TUT7: variants seen among roughly 807,000 people sequenced by gnomAD.
TUT7 encodes the protein terminal uridylyl transferase 7.
Under a neutral mutation model 165.9 loss-of-function variants are expected in TUT7, and 33 were observed. The observed-to-expected ratio is 0.20, with a 90% CI of 0.15 to 0.27. The LOEUF (loss-of-function observed/expected upper bound fraction) is 0.27, where lower values mean the gene tolerates loss of function less well. TUT7 is among the 10% of genes least tolerant of loss of function. The pLI is 1.00. For synonymous variants in TUT7, 552 were observed against 608.1 expected, an observed-to-expected ratio of 0.91 and a Z score of 1.36; for missense variants, 1,338 against 1,762.3, an observed-to-expected ratio of 0.76 and a Z score of 4.31.
At chr9:86,341,261 C>T (rs887834423) in intron 6 of TUT7, among the ~76,000 whole-genome samples, 4 of 152,158 alleles carry the variant, frequency 2.6e-5, no homozygotes, top group African/African-American at 9.7e-5. Context: ...GGGCAAGAGA[C>T]CTACTATACA....
rs777923164 is a variant in TUT7 at position 86,337,447 on chromosome 9, G to A, written c.1427C>T (p.Pro476Leu). Residue 476 changes from proline to leucine, a missense_variant, in exon 10 of 27, where the codon CCC becomes CTC. By Grantham distance (98) the Pro-to-Leu change is moderately conservative. Around this residue, in one of 7 missense-constraint regions of TUT7, gnomAD observed 74 missense variants for 128.5 expected, o/e 0.58. Transcript: ENST00000375963. Reference protein sequence around the residue: ...AIFFLQQRKEPLLPVYLGSWI... With the variant: ...AIFFLQQRKELLLPVYLGSWI... Reference sequence around the variant, plus strand: ...TGATCCTAGATATACAGGCAAAAGGGGTTCTTTCCTCTGCTGAAGAAAGAA... The same window carrying A: ...TGATCCTAGATATACAGGCAAAAGGAGTTCTTTCCTCTGCTGAAGAAAGAA... 1 of 1,613,586 alleles carries A rather than the reference G, an allele frequency of 6.2e-7. No individual in the cohort carries two copies. The highest frequency in any genetic ancestry group is 1.3e-5 in the African/African-American group (1 of 74,858).
intron 16 of TUT7, among the ~76,000 whole-genome samples, chr9:86,318,579 T>A (rs996976292): frequency 6.6e-6 from 1 of 152,230 alleles, no homozygotes; most frequent in Admixed American, 6.5e-5. Flanking sequence ...CTCTGGACTC[T>A]AAGGTTAGTA....
At position 86,328,623 on chromosome 9, in the gene TUT7, CA is replaced by C. The variant is rs1371142898; in HGVS notation, c.1456-132del. 10 of 646,690 alleles carry C rather than the reference CA, an allele frequency of 1.5e-5. No homozygotes were observed. In the Admixed American group the frequency reaches 3.8e-4, roughly 24 times the overall value. 40.1% of individuals were successfully genotyped at this position (646,690 alleles called of 1,614,324 possible). On this transcript the variant is annotated intron_variant, in intron 10 of 26. Transcript: ENST00000375963. ...AAAAGATATAATTTATGGACTATCA[CA>C]GAGACATCTATACATTTAAAAATAT...
At chr9:86,338,584 C>A (rs941734595) in intron 9 of TUT7, among the ~76,000 whole-genome samples, 1 of 152,116 alleles carries the variant, frequency 6.6e-6, no homozygotes, top group South Asian at 2.1e-4. Context: ...AGATTTAACT[C>A]ACAAATCTGA....
rs772870141 is a variant in TUT7, at chr9:86,305,228, A to G, written c.3850T>C (p.Leu1284=). The G allele has an allele frequency of 1.3e-6, 2 of 1,599,554 alleles. No homozygotes were observed. The highest frequency in any genetic ancestry group is 8.5e-7 in the Non-Finnish European group (1 of 1,175,430). The change falls in exon 23 of 27, where the codon TTG becomes CTG. Residue 1284 remains leucine, a synonymous_variant. Coordinates refer to ENST00000375963, the MANE Select transcript of TUT7 (RefSeq NM_024617.4). The part of the protein sequence containing the change: ...KYIVIEDPFD[L]NHNLGAGLSR... ...AATCCAGCTCCAAGATTATGATTCA[A>G]ATCAAAGGGATCTAAGCAAAAAAAT...
Position 86,308,499 on chromosome 9 carries a change from A to G in TUT7, c.3768T>C (p.Ile1256=). 1 of 1,613,718 alleles carries G rather than the reference A, an allele frequency of 6.2e-7. No individual in the cohort carries two copies. Among genetic ancestry groups the G allele is most frequent in the Non-Finnish European group, 8.5e-7 (1 of 1,179,642 alleles). ...TAAGCAGACTTTTTCTCCTGATGCT[A>G]ATAACATGTTCTTTAAAATCAAATT... The part of the protein sequence containing the change: ...TEEFDFKEHV[I]SIRRKSLLTT... Residue 1256 remains isoleucine (I), a synonymous_variant, in exon 22 of 27, where the codon ATT becomes ATC. Coordinates refer to ENST00000375963, the MANE Select transcript of TUT7 (RefSeq NM_024617.4).
chr9:86,331,671 A>T (rs75297804), intron 10 of TUT7, among the ~76,000 whole-genome samples: 1 of 152,336 alleles, frequency 6.6e-6, no homozygotes, highest in South Asian at 2.1e-4. Flanking sequence ...TACAATTTAC[A>T]TCTTTTGCCA....
In TUT7 at chr9:86,322,462, A is replaced by G. The variant is rs780729851; in HGVS notation, c.2891T>C (p.Val964Ala). Residue 964 changes from valine (V) to alanine (A), a missense_variant, in exon 14 of 27, where the codon GTG becomes GCG. Val to Ala is a moderately conservative substitution (Grantham distance 64, BLOSUM62 0). Transcript: ENST00000375963. ...IFTKGKSPTVVCSLCKREGHL... is the reference protein window; with the variant it reads ...IFTKGKSPTVACSLCKREGHL... ...ACCCTCTCGTTTGCATAAGCTGCACACTACCGTAGGAGACTGCAGGAATAT... is the reference window on the plus strand; with the variant it reads ...ACCCTCTCGTTTGCATAAGCTGCACGCTACCGTAGGAGACTGCAGGAATAT... 2 of 1,613,370 alleles carry G rather than the reference A, an allele frequency of 1.2e-6. No individual in the cohort carries two copies. Among genetic ancestry groups the G allele is most frequent in the South Asian group, 1.1e-5 (1 of 90,854 alleles).
At chr9:86,352,437 T>C (rs985124158) in intron 2 of TUT7, 1 of 576,594 alleles carries the variant, frequency 1.7e-6, no homozygotes, top group East Asian at 3.0e-5. Context: ...ACATGTTTAC[T>C]GACGTAAAGT....
Position 86,304,101 on chromosome 9 carries a change from A to G in TUT7, c.3978+755T>C, listed in dbSNP as rs546578337. On this transcript the variant is annotated intron_variant, in intron 24 of 26. Transcript: ENST00000375963. ...CAATAATAGTGTATATTTCAAGATA[A>G]CTAAGAGTAAATCTCAAATGTCTCC... Among the ~76,000 whole-genome samples, 60 of 151,642 alleles carry G rather than the reference A, an allele frequency of 4.0e-4. No homozygotes were observed. The Middle Eastern group carries it at 0.02, about 52-fold the overall frequency.
intron 10 of TUT7, among the ~76,000 whole-genome samples, chr9:86,334,723 C>T (rs1020946041): frequency 5.9e-5 from 9 of 151,998 alleles, no homozygotes; most frequent in Admixed American, 3.9e-4. Context: ...AGTTTTTATA[C>T]CCAGGGTTCT....
At chr9:86,346,040 G>A (rs1229046397) in intron 3 of TUT7, among the ~76,000 whole-genome samples, 1 of 152,092 alleles carries the variant, frequency 6.6e-6, no homozygotes, top group Admixed American at 6.6e-5. Flanking sequence ...GCATGCCACT[G>A]TGCCTGGCTT....
chr9:86,346,490 G>A lies in TUT7; in HGVS notation c.521-10C>T, dbSNP rs200392424. On this transcript the variant is annotated splice_polypyrimidine_tract_variant and intron_variant, in intron 2 of 26. Coordinates refer to ENST00000375963, the MANE Select transcript of TUT7 (RefSeq NM_024617.4). Reference sequence around the variant, plus strand: ...CTCTGCTTCTTGTTTTCTTAAGGTGGGGGAAAAATATTATTGGCAATATTA... The same window carrying A: ...CTCTGCTTCTTGTTTTCTTAAGGTGAGGGAAAAATATTATTGGCAATATTA... 1.2e-6 allele frequency: 2 copies of A among 1,609,052 alleles called. No homozygotes were observed. The highest frequency in any genetic ancestry group is 2.2e-5 in the East Asian group (1 of 44,810).
At chr9:86,352,092 C>G (rs992441535) in intron 2 of TUT7, among the ~76,000 whole-genome samples, 1 of 151,988 alleles carries the variant, frequency 6.6e-6, no homozygotes, top group African/African-American at 2.4e-5. Context: ...GAATCTATTT[C>G]TGACTTTCTA....
intron 2 of TUT7, among the ~76,000 whole-genome samples, chr9:86,350,130 G>C (rs1025000261): frequency 2.3e-4 from 35 of 152,022 alleles, no homozygotes; most frequent in African/African-American, 8.5e-4. Context: ...AGGGTATCGA[G>C]ACTACCCCTG....
chr9:86,309,939 C>G lies in TUT7; in HGVS notation c.3457G>C (p.Val1153Leu). Residue 1153 changes from valine to leucine, a missense_variant, in exon 19 of 27, where the codon GTA becomes CTA. Around this residue, in one of 7 missense-constraint regions of TUT7, gnomAD observed 157 missense variants for 357.5 expected, o/e 0.44. Transcript: ENST00000375963. ...RVKYLCYTMK[V>L]FTKMCDIGDA... ...GGAAGCATACTCACCTTTGTAAATA[C>G]TTTCATGGTATAGCACAAATACTTC... The G allele has an allele frequency of 6.2e-7, 1 of 1,613,626 alleles. No homozygotes were observed. Among genetic ancestry groups the G allele is most frequent in the Non-Finnish European group, 8.5e-7 (1 of 1,179,666 alleles).
At chr9:86,342,974 A>G in intron 6 of TUT7, 101 bp downstream of exon 6, 1 of 837,980 alleles carries the variant, frequency 1.2e-6, no homozygotes, top group Admixed American at 2.7e-5. Context: ...TTACACTTAA[A>G]ATATCTTCAA....
intron 26 of TUT7, among the ~76,000 whole-genome samples, chr9:86,292,889 G>A (rs1368864011): frequency 6.6e-6 from 1 of 152,186 alleles, no homozygotes; most frequent in African/African-American, 2.4e-5. Flanking sequence ...CCTTTGGTAA[G>A]TATAGTACTA....
chr9:86,303,069 T>C lies in TUT7; in HGVS notation c.4094+17A>G. 2.3e-6 allele frequency: 3 copies of C among 1,331,262 alleles called. No homozygotes were observed. Among genetic ancestry groups the C allele is most frequent in the Non-Finnish European group, 3.1e-6 (3 of 955,682 alleles). The allele number at this position is 1,331,262 out of a possible 1,614,324, so 82.5% of individuals were successfully genotyped here. On this transcript the variant is annotated intron_variant, in intron 25 of 26. Coordinates refer to ENST00000375963, the MANE Select transcript of TUT7 (RefSeq NM_024617.4). Reference sequence around the variant, plus strand: ...AGAAAATAAAAACACAACCAACCCCTTTGAACATTTACTTACTTTCTCCTC... The same window carrying C: ...AGAAAATAAAAACACAACCAACCCCCTTGAACATTTACTTACTTTCTCCTC...
Sources: gnomAD v4.1 joint callset for allele counts (sites outside exome capture counted in the v4.1 genomes callset) on GRCh38, gnomAD v4.1.1 for gene constraint, gnomAD v4.1.1 regional missense constraint, MANE v1.5 for transcripts, NCBI Gene and HGNC (gene_info 2026-07-23, HGNC 2026-07-21) for gene names.